TRIM72: variants seen among roughly 807,000 people sequenced by gnomAD.
The protein encoded by TRIM72 is tripartite motif containing 72.
A neutral mutation model predicts 31.6 loss-of-function variants in TRIM72; 33 were observed. That is an observed-to-expected ratio of 1.04 (90% confidence interval 0.79 to 1.40). TRIM72 has a LOEUF of 1.40. Ranked by LOEUF, TRIM72 falls within the 40% of genes most tolerant of loss-of-function variation. TRIM72 has a pLI of 0.00. For missense variants in TRIM72, 666 were observed against 682.7 expected (o/e 0.98, Z 0.27); for synonymous variants, 301 against 314.4 (o/e 0.96, Z 0.45).
chr16:31,219,140 C>T lies in TRIM72; in HGVS notation c.436C>T (p.Arg146Cys), dbSNP rs773457022. Residue 146 changes from arginine to cysteine, a missense_variant, in exon 3 of 7, where the codon CGC becomes TGC. By Grantham distance (180) the Arg-to-Cys change is radical. Transcript: ENST00000322122. This position sits in a 1 kb window ranked among gnomAD's most constrained non-coding sequence, Gnocchi z 4.2. ...ACTGCAGCTGCAGGAGGCATGCATG[C>T]GCAAGGAGAAGAGTGTGGCTGTGCT... ...QKLQLQEACM[R>C]KEKSVAVLEH... The T allele has an allele frequency of 1.0e-5, 16 of 1,603,562 alleles. No homozygotes were observed. Among genetic ancestry groups the T allele is most frequent in the African/African-American group, 1.3e-5 (1 of 74,896 alleles).
chr16:31,222,359 C>T (rs890420049), intron 5 of TRIM72, among the ~76,000 whole-genome samples: 1 of 150,332 alleles, frequency 6.7e-6, no homozygotes, highest in African/African-American at 2.4e-5. Context: ...TGCCACTACA[C>T]CCCAGCCTGG....
Position 31,215,262 on chromosome 16 carries a change from C to G in TRIM72, c.390+134C>G, listed in dbSNP as rs2079502463. ...CTCCTGGAGTTGCGGGGGGCGGGGG[C>G]GGGGCGAAGCAGCCAGGAAAGAGGG... On this transcript the variant is annotated intron_variant, in intron 2 of 6. Coordinates refer to ENST00000322122, the MANE Select transcript of TRIM72 (RefSeq NM_001008274.4). This position sits in a 1 kb window ranked among gnomAD's most constrained non-coding sequence, Gnocchi z 6.3. 18 of 1,117,684 alleles carry G rather than the reference C, an allele frequency of 1.6e-5. No individual in the cohort carries two copies. Among genetic ancestry groups the G allele is most frequent in the South Asian group, 7.8e-5 (3 of 38,430 alleles). The allele number at this position is 1,117,684 out of a possible 1,614,324, so 69.2% of individuals were successfully genotyped here. A position where few individuals can be genotyped will look rare whatever the true frequency, so the allele number is the denominator to read the frequency against.
At chr16:31,218,588 A>G (rs931018178) in intron 2 of TRIM72, among the ~76,000 whole-genome samples, 3 of 152,038 alleles carry the variant, frequency 2.0e-5, no homozygotes, top group African/African-American at 7.3e-5. Context: ...AGGCTGAGGC[A>G]GGAGAATCGC....
At position 31,219,534 on chromosome 16, in the gene TRIM72, A is replaced by AC. The variant is rs1057231016; in HGVS notation, c.717+21dup. 4 of 1,599,644 alleles carry AC rather than the reference A, an allele frequency of 2.5e-6. No homozygotes were observed. Among genetic ancestry groups the AC allele is most frequent in the East Asian group, 4.5e-5 (2 of 44,398 alleles). ...AGTTCCTCATGGTGAGCACTGGGTGACCCCCCTCCCTGCCTCAGCCCCCTG... is the reference window on the plus strand; with the variant it reads ...AGTTCCTCATGGTGAGCACTGGGTGACCCCCCCTCCCTGCCTCAGCCCCCTG... On this transcript the variant is annotated intron_variant, in intron 4 of 6. Coordinates refer to ENST00000322122, the MANE Select transcript of TRIM72 (RefSeq NM_001008274.4). The surrounding 1 kb of genome is among the most constrained non-coding windows in gnomAD (Gnocchi z 4.2).
chr16:31,220,762 C>T (rs1468709848), intron 4 of TRIM72, 134 bp from the exon 5 acceptor site: 9 of 1,203,192 alleles, frequency 7.5e-6, no homozygotes, highest in East Asian at 4.7e-5. Flanking sequence ...TGAGCCACCT[C>T]GTCTGGCCTC....
rs568502351 is a variant in TRIM72 at position 31,216,610 on chromosome 16, G to A, written c.390+1482G>A. 15 of 962,496 alleles carry A rather than the reference G, an allele frequency of 1.6e-5. No individual in the cohort carries two copies. The East Asian group carries it at 3.4e-4, about 22-fold the overall frequency. The allele number at this position is 962,496 out of a possible 1,614,324, so 59.6% of individuals were successfully genotyped here. On this transcript the variant is annotated intron_variant, in intron 2 of 6. Coordinates refer to ENST00000322122, the MANE Select transcript of TRIM72 (RefSeq NM_001008274.4). The surrounding 1 kb of genome is among the most constrained non-coding windows in gnomAD (Gnocchi z 6.7). ...CGCGGCAGCCCAGCCCTTCGCCCCC[G>A]GGAGGGGCTGGCCGGAGGTCTGAGG...
chr16:31,224,665 C>A lies in TRIM72; in HGVS notation c.1344C>A (p.Pro448=), dbSNP rs764547942. 5.2e-6 allele frequency: 8 copies of A among 1,549,086 alleles called. No individual in the cohort carries two copies. Among genetic ancestry groups the A allele is most frequent in the Non-Finnish European group, 6.9e-6 (8 of 1,154,560 alleles). Residue 448 remains proline (P), a synonymous_variant, in exon 7 of 7, where the codon CCC becomes CCA. Coordinates refer to ENST00000322122, the MANE Select transcript of TRIM72 (RefSeq NM_001008274.4). ...CCTTCCACGAGCGCCTGCCCAGGCC[C>A]GTGTACCCCTTCTTCGACGTGTGCT... ...LFAFHERLPR[P]VYPFFDVCWH...
rs751918609 is a variant in TRIM72 at position 31,216,723 on chromosome 16, T to G, written c.390+1595T>G. On this transcript the variant is annotated intron_variant, in intron 2 of 6. Coordinates refer to ENST00000322122, the MANE Select transcript of TRIM72 (RefSeq NM_001008274.4). This position sits in a 1 kb window ranked among gnomAD's most constrained non-coding sequence, Gnocchi z 6.7. Reference sequence around the variant, plus strand: ...TGGGTCCTTGGCGAGGAAGCGGGGTTGGGTCCCGAGATCACGTACCAGCTC... The same window carrying G: ...TGGGTCCTTGGCGAGGAAGCGGGGTGGGGTCCCGAGATCACGTACCAGCTC... The G allele has an allele frequency of 6.4e-6, 10 of 1,571,578 alleles. No individual in the cohort carries two copies. In the South Asian group the frequency reaches 1.0e-4, roughly 16 times the overall value.
At chr16:31,217,740 G>A (rs2079517004) in intron 2 of TRIM72, among the ~76,000 whole-genome samples, 1 of 151,716 alleles carries the variant, frequency 6.6e-6, no homozygotes, top group Non-Finnish European at 1.5e-5. Flanking sequence ...TCAGCCTCCC[G>A]AGTAGCTGGG....
rs1463338666 is a variant in TRIM72, at chr16:31,224,206, G to A, written c.885G>A (p.Pro295=). 3 of 1,603,696 alleles carry A rather than the reference G, an allele frequency of 1.9e-6. No individual in the cohort carries two copies. The highest frequency in any genetic ancestry group is 1.7e-4 in the Middle Eastern group (1 of 6,060). ...CGCTGGAGGAGCTGACCTTTGACCC[G>A]AGCTCTGCGCACCCGAGCCTGGTGG... is the stretch of plus-strand genomic sequence containing the variant. ...MPALEELTFD[P]SSAHPSLVVS... Residue 295 remains proline (P), a synonymous_variant, in exon 7 of 7, where the codon CCG becomes CCA. Coordinates refer to ENST00000322122, the MANE Select transcript of TRIM72 (RefSeq NM_001008274.4).
chr16:31,223,554 C>T (rs1178581111), intron 6 of TRIM72, among the ~76,000 whole-genome samples: 1 of 152,136 alleles, frequency 6.6e-6, no homozygotes, highest in Non-Finnish European at 1.5e-5. Flanking sequence ...GCTCCTTGAC[C>T]TTGGGCCTTG....
intron 2 of TRIM72, 116 bp from the exon 3 acceptor site, chr16:31,218,979 G>C (rs2079521535): frequency 1.0e-6 from 1 of 962,376 alleles, no homozygotes; most frequent in South Asian, 1.6e-5. Flanking sequence ...GGGATGGGAA[G>C]ATGGCTGGAG....
In TRIM72 at chr16:31,225,640, TTTC is replaced by T; in HGVS notation, c.*888_*890del. 6.9e-6 allele frequency: 1 copy of T among 145,500 alleles called. No homozygotes were observed. The highest frequency in any genetic ancestry group is 1.5e-5 in the Non-Finnish European group (1 of 67,816). 9.0% of individuals were successfully genotyped at this position (145,500 alleles called of 1,614,324 possible). ...CAAAAATGCTCATTTCTTTTTTTTA[TTTC>T]TTTTTTTTTTTTTTTTTTTTTTTTT... On this transcript the variant is annotated 3_prime_UTR_variant, in exon 7 of 7. Transcript: ENST00000322122.
chr16:31,214,611 C>T lies in TRIM72; in HGVS notation c.-7-121C>T, dbSNP rs958898095. The T allele has an allele frequency of 1.6e-5, 19 of 1,156,994 alleles. No homozygotes were observed. In the African/African-American group the frequency reaches 2.8e-4, roughly 17 times the overall value. The allele number at this position is 1,156,994 out of a possible 1,614,324, so 71.7% of individuals were successfully genotyped here. A position where few individuals can be genotyped will look rare whatever the true frequency, so the allele number is the denominator to read the frequency against. On this transcript the variant is annotated intron_variant, in intron 1 of 6. Transcript: ENST00000322122. ...TCCCATCCAGTGTAGGATGTGAGGTCTTTACAGGCTGGGGCTTCTCCCTGC... is the reference window on the plus strand; with the variant it reads ...TCCCATCCAGTGTAGGATGTGAGGTTTTTACAGGCTGGGGCTTCTCCCTGC...
intron 4 of TRIM72, 81 bp from the exon 5 acceptor site, chr16:31,220,815 C>CTAG: frequency 6.4e-7 from 1 of 1,565,016 alleles, no homozygotes; most frequent in South Asian, 1.1e-5. Context: ...CTCAGCATTC[C>CTAG]TAGTTGTCTA....
Position 31,224,041 on chromosome 16 carries a change from C to T in TRIM72, c.860-140C>T, listed in dbSNP as rs930728041. ...ACAGCTGGGCAAACTGAAGTTGAGC[C>T]AGGTGTGATCTTGTGGCCCAAGCCC... On this transcript the variant is annotated intron_variant, in intron 6 of 6. Coordinates refer to ENST00000322122, the MANE Select transcript of TRIM72 (RefSeq NM_001008274.4). 13 of 958,040 alleles carry T rather than the reference C, an allele frequency of 1.4e-5. No homozygotes were observed. The African/African-American group carries it at 1.9e-4, about 14-fold the overall frequency. 59.3% of individuals were successfully genotyped at this position (958,040 alleles called of 1,614,324 possible).
Position 31,215,208 on chromosome 16 carries a change from G to A in TRIM72, c.390+80G>A. On this transcript the variant is annotated intron_variant, in intron 2 of 6. Coordinates refer to ENST00000322122, the MANE Select transcript of TRIM72 (RefSeq NM_001008274.4). The surrounding 1 kb of genome is among the most constrained non-coding windows in gnomAD (Gnocchi z 6.3). ...ATGGGGAGGTCGCTGCAGTGATTTG[G>A]ATTCTGAGTCTCTAGAGAGGCTCAC... is the stretch of plus-strand genomic sequence containing the variant. The A allele has an allele frequency of 7.2e-7, 1 of 1,381,898 alleles. No homozygotes were observed. 85.6% of individuals were successfully genotyped at this position (1,381,898 alleles called of 1,614,324 possible). A position where few individuals can be genotyped will look rare whatever the true frequency, so the allele number is the denominator to read the frequency against.
At chr16:31,214,681 C>A (rs1225643800) in intron 1 of TRIM72, 51 bp from the exon 2 acceptor site, 6 of 1,438,158 alleles carry the variant, frequency 4.2e-6, no homozygotes, top group African/African-American at 1.5e-5. Flanking sequence ...CAGGGCTGGG[C>A]CGGGAGCGCG....
intron 2 of TRIM72, 138 bp from the exon 3 acceptor site, chr16:31,218,957 T>A: frequency 1.4e-6 from 1 of 732,650 alleles, no homozygotes; most frequent in Admixed American, 2.6e-5. Context: ...GGGAGGCATG[T>A]AAGTGGGTTT....
Sources: gnomAD v4.1 joint callset for allele counts (sites outside exome capture counted in the v4.1 genomes callset) on GRCh38, gnomAD v4.1.1 for gene constraint, Gnocchi (gnomAD v3.1) non-coding constraint, MANE v1.5 for transcripts, NCBI Gene and HGNC (gene_info 2026-07-23, HGNC 2026-07-21) for gene names.